Variants in TBC1D30 observed in about 807,000 individuals in gnomAD.
The protein encoded by TBC1D30 is TBC1 domain family, member 30.
Under a neutral mutation model 63.2 loss-of-function variants are expected in TBC1D30, and 31 were observed. That is an observed-to-expected ratio of 0.49 (90% CI 0.37 to 0.66). The LOEUF (loss-of-function observed/expected upper bound fraction) is 0.66. TBC1D30 is among the 30% of genes least tolerant of loss of function. The pLI is 0.00. For missense variants in TBC1D30, 810 were observed against 953.6 expected (o/e 0.85, Z 1.98); for synonymous variants, 307 against 361.5 (o/e 0.85, Z 1.71).
At chr12:64,855,083 T>G (rs1421627790) in intron 8 of TBC1D30, among the ~76,000 whole-genome samples, 1 of 151,488 alleles carries the variant, frequency 6.6e-6, no homozygotes, top group Admixed American at 6.5e-5. Flanking sequence ...CTTACTATGC[T>G]AGGGTAGAAG....
intron 8 of TBC1D30, among the ~76,000 whole-genome samples, chr12:64,855,629 G>A (rs1877235106): frequency 6.6e-6 from 1 of 152,064 alleles, no homozygotes; most frequent in Non-Finnish European, 1.5e-5. Flanking sequence ...GCATTGTTCA[G>A]CGTGTCGATT....
intron 7 of TBC1D30, among the ~76,000 whole-genome samples, chr12:64,840,476 G>A (rs1220472759): frequency 6.6e-6 from 1 of 152,166 alleles, no homozygotes; most frequent in Non-Finnish European, 1.5e-5. Context: ...GATCATCCCA[G>A]GGATGTCATA....
chr12:64,768,326 T>G (rs1870791471), intron 1 of TBC1D30: 1 of 152,054 alleles, frequency 6.6e-6, no homozygotes. Context: ...CCGACTTGCT[T>G]TTCTGCAAAT....
chr12:64,767,730 C>G (rs944496076), intron 1 of TBC1D30, among the ~76,000 whole-genome samples: 62 of 127,276 alleles, frequency 4.9e-4, no homozygotes, highest in Admixed American at 7.7e-4. Flanking sequence ...GCTGATCAGG[C>G]AGGATGAAAA....
intron 2 of TBC1D30, among the ~76,000 whole-genome samples, chr12:64,795,822 A>G (rs1001085130): frequency 4.1e-5 from 6 of 146,976 alleles, no homozygotes; most frequent in African/African-American, 1.5e-4. Context: ...TTTTTTTTCA[A>G]TCTTCCGTCT....
At chr12:64,852,910 A>C (rs774681096) in intron 8 of TBC1D30, among the ~76,000 whole-genome samples, 12 of 152,082 alleles carry the variant, frequency 7.9e-5, no homozygotes, top group Non-Finnish European at 1.6e-4. Context: ...GCTCTCCTCT[A>C]TGAGGTGTCT....
At position 64,843,504 on chromosome 12, in the gene TBC1D30, G is replaced by A. The variant is rs1876086257; in HGVS notation, c.1038+19G>A. ...CATGCAGGTGAGTCGGCAACATGGA[G>A]CAGCTTGGCTCGGGGAACCCCGGGC... is the stretch of plus-strand genomic sequence containing the variant. On this transcript the variant is annotated intron_variant, in intron 8 of 11. Coordinates refer to ENST00000539867, the MANE Select transcript of TBC1D30 (RefSeq NM_015279.2). 6.5e-7 allele frequency: 1 copy of A among 1,531,750 alleles called. No homozygotes were observed. The highest frequency in any genetic ancestry group is 1.4e-5 in the African/African-American group (1 of 72,970). The allele number at this position is 1,531,750 out of a possible 1,614,324, so 94.9% of individuals were successfully genotyped here.
intron 8 of TBC1D30, among the ~76,000 whole-genome samples, chr12:64,857,923 C>T (rs529173127): frequency 6.6e-5 from 10 of 152,184 alleles, no homozygotes; most frequent in Non-Finnish European, 1.5e-4. Flanking sequence ...ACTCTCCCAT[C>T]CCCAAGTGCA....
rs9738953 is a variant in TBC1D30, at chr12:64,850,703, G to C, written c.1038+7218G>C. ...GTATTTTATTGAGGATTTTTGCATC[G>C]ATGTTCATTGGGGATATTGGCCTGA... is the stretch of plus-strand genomic sequence containing the variant. On this transcript the variant is annotated intron_variant, in intron 8 of 11. Transcript: ENST00000539867. Among the ~76,000 whole-genome samples the C allele has an allele frequency of 6.2e-3, 943 of 152,190 alleles. 11 individuals carry two copies. The highest frequency in any genetic ancestry group is 0.021 in the African/African-American group (868 of 41,522).
chr12:64,837,456 A>C (rs1875466038), intron 6 of TBC1D30, among the ~76,000 whole-genome samples: 1 of 151,678 alleles, frequency 6.6e-6, no homozygotes, highest in African/African-American at 2.4e-5. Flanking sequence ...GTGACGGCTC[A>C]TCAGGCATTA....
chr12:64,827,989 A>G, intron 2 of TBC1D30, 93 bp downstream of exon 2: 1 of 870,906 alleles, frequency 1.1e-6, no homozygotes, highest in South Asian at 1.7e-5. Flanking sequence ...ATTCTTTGAT[A>G]TGAATGTGAA....
At chr12:64,799,469 G>A (rs1872480065) in intron 2 of TBC1D30, among the ~76,000 whole-genome samples, 2 of 152,226 alleles carry the variant, frequency 1.3e-5, no homozygotes, top group South Asian at 4.1e-4. Context: ...ATCAGCATTT[G>A]CATCCTAGCC....
In TBC1D30 at chr12:64,824,854, C is replaced by A; in HGVS notation, c.-26C>A. ...AGCGGGGACCGAGACGGACGGTAGC[C>A]GTGCCAGAGCCCGGGGCGCTCTCGG... On this transcript the variant is annotated 5_prime_UTR_variant, in exon 1 of 12. Coordinates refer to ENST00000539867, the MANE Select transcript of TBC1D30 (RefSeq NM_015279.2). 6.5e-7 allele frequency: 1 copy of A among 1,530,148 alleles called. No homozygotes were observed. Among genetic ancestry groups the A allele is most frequent in the Non-Finnish European group, 8.7e-7 (1 of 1,144,380 alleles). 94.8% of individuals were successfully genotyped at this position (1,530,148 alleles called of 1,614,324 possible).
At chr12:64,872,440 A>G (rs1353146361) in intron 11 of TBC1D30, among the ~76,000 whole-genome samples, 1 of 152,158 alleles carries the variant, frequency 6.6e-6, no homozygotes, top group Admixed American at 6.5e-5. Flanking sequence ...TTACAGGAAA[A>G]GTTTGCTGAC....
At position 64,875,266 on chromosome 12, in the gene TBC1D30, C is replaced by G. The variant is rs149314676; in HGVS notation, c.1764C>G (p.Thr588=). The change falls in exon 12 of 12, where the codon ACC becomes ACG. Residue 588 remains threonine (T), a synonymous_variant. Transcript: ENST00000539867. The part of the protein sequence containing the change: ...RTKSHPGCGD[T]VGLIDEQNEA... ...AGAGTCATCCGGGCTGTGGGGACAC[C>G]GTAGGGCTGATAGATGAGCAGAACG... The G allele has an allele frequency of 6.5e-7, 1 of 1,536,120 alleles. No individual in the cohort carries two copies. Among genetic ancestry groups the G allele is most frequent in the Non-Finnish European group, 8.7e-7 (1 of 1,146,908 alleles).
At chr12:64,832,387 T>C in intron 5 of TBC1D30, 83 bp downstream of exon 5, 1 of 1,355,154 alleles carries the variant, frequency 7.4e-7, no homozygotes, top group Non-Finnish European at 1.0e-6. Context: ...CCTTGATGTC[T>C]CATCCTTTTC....
chr12:64,811,392 T>C (rs989869634), intron 2 of TBC1D30, among the ~76,000 whole-genome samples: 2 of 152,238 alleles, frequency 1.3e-5, no homozygotes, highest in Non-Finnish European at 2.9e-5. Flanking sequence ...ATTTTCTCTC[T>C]ATGGAGAGGG....
intron 1 of TBC1D30, among the ~76,000 whole-genome samples, chr12:64,825,881 C>G (rs1180281048): frequency 6.6e-6 from 1 of 152,172 alleles, no homozygotes; most frequent in Non-Finnish European, 1.5e-5. Context: ...TTCACGGTCC[C>G]CGGCCCCCGC....
intron 1 of TBC1D30, among the ~76,000 whole-genome samples, chr12:64,783,169 T>G (rs533931110): frequency 1.8e-4 from 27 of 152,314 alleles, no homozygotes; most frequent in African/African-American, 6.0e-4. Context: ...TAGCTATATA[T>G]TTAACATGTG....
Sources: allele counts gnomAD v4.1 joint callset (sites outside exome capture counted in the v4.1 genomes callset), GRCh38; gene constraint gnomAD v4.1.1; transcripts MANE v1.5; gene names NCBI Gene and HGNC (gene_info 2026-07-23, HGNC 2026-07-21).